TBC1D14: variants seen among roughly 807,000 people sequenced by gnomAD.
The protein encoded by TBC1D14 is TBC1 domain family member 14, also known as TBC1 domain family, member 14.
In TBC1D14, 26 loss-of-function variants were observed where a neutral mutation model predicts 79.0. The observed-to-expected ratio is 0.33, with a 90% CI of 0.24 to 0.46. The LOEUF (loss-of-function observed/expected upper bound fraction) is 0.46, where lower values mean the gene tolerates loss of function less well. TBC1D14 is among the 20% of genes least tolerant of loss of function. TBC1D14 has a pLI of 1.00. For missense variants in TBC1D14, 769 were observed against 887.6 expected, an observed-to-expected ratio of 0.87 and a Z score of 1.70; for synonymous variants, 394 against 349.9, an observed-to-expected ratio of 1.13 and a Z score of -1.40.
intron 2 of TBC1D14, among the ~76,000 whole-genome samples, chr4:6,926,726 C>G (rs1724327120): frequency 6.6e-6 from 1 of 152,194 alleles, no homozygotes; most frequent in South Asian, 2.1e-4. Context: ...TTAGAGCTCA[C>G]TAAACATTTT....
chr4:6,989,264 C>T (rs1329787130), intron 3 of TBC1D14, among the ~76,000 whole-genome samples: 1 of 152,172 alleles, frequency 6.6e-6, no homozygotes, highest in African/African-American at 2.4e-5. Context: ...CATAGTCTCT[C>T]CTCTGGCTCT....
chr4:7,005,037 A>T (rs775617084), intron 8 of TBC1D14, 113 bp downstream of exon 8: 52 of 966,758 alleles, frequency 5.4e-5, no homozygotes, highest in Non-Finnish European at 8.1e-5. Flanking sequence ...GTGGAGTCAT[A>T]AAAAGCTCCA....
intron 8 of TBC1D14, among the ~76,000 whole-genome samples, chr4:7,006,218 A>G (rs1388323370): frequency 6.6e-6 from 1 of 152,166 alleles, no homozygotes; most frequent in Non-Finnish European, 1.5e-5. Context: ...TAATACCGCA[A>G]TAGTTTCTAC....
intron 13 of TBC1D14, 62 bp from the exon 14 acceptor site, chr4:7,030,265 G>T: frequency 1.3e-6 from 2 of 1,542,354 alleles, no homozygotes; most frequent in Non-Finnish European, 1.8e-6. Context: ...TCTCTGCTTC[G>T]CTGCTGTCAG....
intron 3 of TBC1D14, among the ~76,000 whole-genome samples, chr4:6,993,484 A>G (rs1411131508): frequency 6.6e-6 from 1 of 152,136 alleles, no homozygotes; most frequent in Non-Finnish European, 1.5e-5. Context: ...AACTATTTAC[A>G]TAACAATTTG....
intron 2 of TBC1D14, among the ~76,000 whole-genome samples, chr4:6,939,950 C>G (rs1344930281): frequency 6.6e-6 from 1 of 151,370 alleles, no homozygotes; most frequent in Non-Finnish European, 1.5e-5. Flanking sequence ...TCAGGCGTCA[C>G]GACCTACACC....
chr4:6,915,952 T>TAAA (rs77312739), intron 1 of TBC1D14, among the ~76,000 whole-genome samples: 1 of 137,314 alleles, frequency 7.3e-6, no homozygotes, highest in African/African-American at 2.7e-5. Context: ...CCACCTCTAC[T>TAAA]AAAAAAAAAA....
intron 2 of TBC1D14, among the ~76,000 whole-genome samples, chr4:6,926,960 C>A (rs1474821160): frequency 6.6e-6 from 1 of 152,194 alleles, no homozygotes; most frequent in Non-Finnish European, 1.5e-5. Context: ...CTCAGTGAAT[C>A]AGTCTCTGGG....
rs370873478 is a variant in TBC1D14, at chr4:6,923,698, C to T, written c.309C>T (p.Ser103=). Residue 103 remains serine (S), a synonymous_variant, in exon 2 of 14, where the codon AGC becomes AGT. Coordinates refer to ENST00000409757, the MANE Select transcript of TBC1D14 (RefSeq NM_020773.3). ...SDLIPERAFQ[S]ACALPSCAPP... is the part of the protein sequence containing the mutation. The stretch of plus-strand genomic sequence containing the variant: ...TCATCCCCGAGCGGGCCTTCCAGAG[C>T]GCCTGCGCGCTGCCATCCTGTGCGC... The T allele has an allele frequency of 6.6e-5, 106 of 1,613,786 alleles. No homozygotes were observed. In the East Asian group the frequency reaches 1.7e-3, roughly 25 times the overall value.
intron 1 of TBC1D14, among the ~76,000 whole-genome samples, chr4:6,911,162 C>T (rs1280689717): frequency 6.6e-6 from 1 of 152,154 alleles, no homozygotes; most frequent in East Asian, 1.9e-4. Context: ...TGGCTTCCCC[C>T]CTCCGACCAA....
intron 3 of TBC1D14, among the ~76,000 whole-genome samples, chr4:6,991,508 T>C (rs1212496413): frequency 2.6e-5 from 4 of 152,186 alleles, no homozygotes; most frequent in Admixed American, 2.6e-4. Context: ...CCCTCAGACC[T>C]GAAACCACTG....
chr4:7,007,454 T>G (rs1386461604), intron 9 of TBC1D14: 1 of 989,470 alleles, frequency 1.0e-6, no homozygotes, highest in East Asian at 6.2e-5. Context: ...AACGGGTTTT[T>G]GCGGGGGCAG....
chr4:6,920,337 A>G (rs1352872120), intron 1 of TBC1D14, among the ~76,000 whole-genome samples: 3 of 149,186 alleles, frequency 2.0e-5, no homozygotes, highest in Non-Finnish European at 4.5e-5. Flanking sequence ...AGTGGTGATC[A>G]TAGCTCATTG....
chr4:6,979,308 C>G (rs1025341433), intron 3 of TBC1D14, among the ~76,000 whole-genome samples: 1 of 152,146 alleles, frequency 6.6e-6, no homozygotes, highest in African/African-American at 2.4e-5. Flanking sequence ...TCTCAATACT[C>G]AGTTCTGACA....
intron 2 of TBC1D14, among the ~76,000 whole-genome samples, chr4:6,944,997 C>G (rs1193227798): frequency 6.6e-6 from 1 of 152,240 alleles, no homozygotes; most frequent in Non-Finnish European, 1.5e-5. Flanking sequence ...CAGCTAACCC[C>G]AGCTCATGTT....
intron 2 of TBC1D14, among the ~76,000 whole-genome samples, chr4:6,949,030 C>T (rs1287078470): frequency 6.6e-6 from 1 of 151,308 alleles, no homozygotes; most frequent in African/African-American, 2.4e-5. Context: ...AAAAATTAGC[C>T]AGGCGTGGTG....
At chr4:7,004,822 T>G in intron 7 of TBC1D14, 22 bp from the exon 8 acceptor site, 2 of 1,613,488 alleles carry the variant, frequency 1.2e-6, no homozygotes, top group Non-Finnish European at 1.7e-6. Flanking sequence ...ACGTAATACT[T>G]ACCCAGAGGC....
At position 6,924,041 on chromosome 4, in the gene TBC1D14, G is replaced by T. The variant is rs780635425; in HGVS notation, c.652G>T (p.Asp218Tyr). Residue 218 changes from aspartate to tyrosine, a missense_variant, in exon 2 of 14, where the codon GAC (aspartate) becomes TAC (tyrosine). Asp to Tyr is a radical substitution (Grantham distance 160). Around this residue, in one of 2 missense-constraint regions of TBC1D14, gnomAD observed 402 missense variants for 393.2 expected, o/e 1.02. Transcript: ENST00000409757. ...IKETRGLHQQ[D>Y]CVHEAEEGSK... ...GGAAACCCGTGGCTTACACCAGCAG[G>T]ACTGTGTTCATGAAGCTGAGGAGGG... is the stretch of plus-strand genomic sequence containing the variant. The T allele has an allele frequency of 3.7e-6, 6 of 1,614,110 alleles. No individual in the cohort carries two copies. Among genetic ancestry groups the T allele is most frequent in the Non-Finnish European group, 5.1e-6 (6 of 1,180,038 alleles).
chr4:6,999,022 C>A, intron 5 of TBC1D14, 63 bp from the exon 6 acceptor site: 1 of 1,538,888 alleles, frequency 6.5e-7, no homozygotes, highest in Non-Finnish European at 9.0e-7. Context: ...AGGAAAATCA[C>A]CTTGCCTGGA....
Sources: gnomAD v4.1 joint callset for allele counts (sites outside exome capture counted in the v4.1 genomes callset) on GRCh38, gnomAD v4.1.1 for gene constraint, gnomAD v4.1.1 regional missense constraint, MANE v1.5 for transcripts, NCBI Gene and HGNC (gene_info 2026-07-23, HGNC 2026-07-21) for gene names.